RBBP8: variants seen among roughly 807,000 people sequenced by gnomAD.
The protein encoded by RBBP8 is DNA endonuclease RBBP8.
A neutral mutation model predicts 108.3 loss-of-function variants in RBBP8; 88 were observed. The observed-to-expected ratio is 0.81, with a 90% confidence interval of 0.68 to 0.97. The LOEUF (loss-of-function observed/expected upper bound fraction) is 0.97, where lower values mean the gene tolerates loss of function less well. RBBP8 is among the 50% of genes least tolerant of loss of function. RBBP8 has a pLI of 0.00. For synonymous variants in RBBP8, 332 were observed against 348.2 expected, an observed-to-expected ratio of 0.95 and a Z score of 0.52; for missense variants, 1,023 against 1,049.0, an observed-to-expected ratio of 0.98 and a Z score of 0.34.
chr18:23,010,393 GGA>G (rs2046135662), intron 16 of RBBP8, among the ~76,000 whole-genome samples: 1 of 152,154 alleles, frequency 6.6e-6, no homozygotes, highest in African/African-American at 2.4e-5. Context: ...CTTGAGCCCA[GGA>G]GTTTGAGACC....
Position 22,993,850 on chromosome 18 carries a change from G to A in RBBP8, c.1939+3G>A, listed in dbSNP as rs764002455. On this transcript the variant is annotated splice_donor_region_variant and intron_variant, in intron 12 of 18. Transcript: ENST00000327155. ...AAAGTCTCTACAAAACAACCAAGGT[G>A]TGTACACCATAAACAGGATCTCCAC... 1.2e-6 allele frequency: 2 copies of A among 1,612,092 alleles called. No individual in the cohort carries two copies. Among genetic ancestry groups the A allele is most frequent in the Non-Finnish European group, 1.7e-6 (2 of 1,178,324 alleles).
At chr18:22,954,447 C>T (rs1912332382) in intron 4 of RBBP8, among the ~76,000 whole-genome samples, 1 of 152,190 alleles carries the variant, frequency 6.6e-6, no homozygotes, top group African/African-American at 2.4e-5. Context: ...AAAATGATCC[C>T]CTTTGACTCC....
At chr18:22,929,890 T>G (rs1227306719), upstream of RBBP8, among the ~76,000 whole-genome samples, 1 of 152,082 alleles carries the variant, frequency 6.6e-6, no homozygotes, top group Non-Finnish European at 1.5e-5. Context: ...TAAAAAGAGC[T>G]GAACAAAGGC....
intron 1 of RBBP8, among the ~76,000 whole-genome samples, chr18:22,935,710 T>C (rs753317276): frequency 1.3e-5 from 2 of 152,208 alleles, no homozygotes; most frequent in Non-Finnish European, 2.9e-5. Flanking sequence ...ACTTTTTAAG[T>C]TGTAGCTAAT....
At chr18:22,951,181 G>T (rs1912001880) in intron 4 of RBBP8, among the ~76,000 whole-genome samples, 1 of 152,116 alleles carries the variant, frequency 6.6e-6, no homozygotes, top group South Asian at 2.1e-4. Context: ...AAATATTTGA[G>T]TCCTTGCTGT....
chr18:22,997,039 A>G (rs771538282), intron 13 of RBBP8, among the ~76,000 whole-genome samples: 8 of 152,190 alleles, frequency 5.3e-5, no homozygotes, highest in Non-Finnish European at 7.3e-5. Context: ...ATCTTATATA[A>G]TTTTATCATT....
intron 5 of RBBP8, among the ~76,000 whole-genome samples, chr18:22,971,424 G>T (rs1914071159): frequency 6.6e-6 from 1 of 152,044 alleles, no homozygotes. Context: ...TTAGAATACT[G>T]CCCAGAATAG....
chr18:22,933,927 C>G (rs1018076985), intron 1 of RBBP8: 3 of 152,426 alleles, frequency 2.0e-5, no homozygotes, highest in African/African-American at 4.8e-5. Flanking sequence ...GAGAAGGGAC[C>G]TGGCTGGAAA....
chr18:22,916,433 T>C (rs1463090049), intron 2 of RBBP8, among the ~76,000 whole-genome samples: 1 of 152,030 alleles, frequency 6.6e-6, no homozygotes, highest in African/African-American at 2.4e-5. Flanking sequence ...AATCTAAGGG[T>C]AGATCTGGGG....
intron 16 of RBBP8, among the ~76,000 whole-genome samples, chr18:23,007,151 G>C (rs931761669): frequency 6.6e-6 from 1 of 151,186 alleles, no homozygotes; most frequent in Non-Finnish European, 1.5e-5. Flanking sequence ...CTCCCGAGTA[G>C]CTGGGATTAC....
chr18:23,012,964 A>G (rs1208724377), intron 16 of RBBP8, among the ~76,000 whole-genome samples: 2 of 152,170 alleles, frequency 1.3e-5, no homozygotes, highest in African/African-American at 4.8e-5. Context: ...CTGAAGAATT[A>G]TGCTCAATCT....
At chr18:22,936,719 G>T (rs771928161) in intron 1 of RBBP8, 35 bp from the exon 2 acceptor site, 71 of 983,416 alleles carry the variant, frequency 7.2e-5, no homozygotes, top group Non-Finnish European at 1.1e-4. Flanking sequence ...AAAGATAAAT[G>T]CAAAGTTCAT....
In RBBP8 at chr18:22,993,242, C is replaced by T; in HGVS notation, c.1415C>T (p.Pro472Leu). Residue 472 changes from proline to leucine, a missense_variant, in exon 11 of 19, where the codon CCT (proline) becomes CTT (leucine). Pro to Leu is a moderately conservative substitution (Grantham distance 98). Transcript: ENST00000327155. ...QASFDKENAFPFPMDNQFSMN... is the reference protein window; with the variant it reads ...QASFDKENAFLFPMDNQFSMN... ...TCTTTTGATAAAGAAAATGCTTTCC[C>T]TTTTCCAATGGATAATCAGTTTTCC... 3 of 1,614,190 alleles carry T rather than the reference C, an allele frequency of 1.9e-6. No homozygotes were observed. Among genetic ancestry groups the T allele is most frequent in the Non-Finnish European group, 2.5e-6 (3 of 1,180,028 alleles).
At chr18:23,001,815 G>A in intron 15 of RBBP8, 86 bp downstream of exon 15, 1 of 1,493,412 alleles carries the variant, frequency 6.7e-7, no homozygotes. Flanking sequence ...AAGGCTTGAT[G>A]ACATATCAAC....
chr18:22,924,877 G>A (rs1208059261), intron 3 of RBBP8, among the ~76,000 whole-genome samples: 4 of 151,916 alleles, frequency 2.6e-5, no homozygotes, highest in African/African-American at 9.7e-5. Flanking sequence ...TACCATAACT[G>A]AGAAAAGGAA....
chr18:22,972,752 G>T (rs1914210118), intron 5 of RBBP8, among the ~76,000 whole-genome samples: 2 of 152,132 alleles, frequency 1.3e-5, no homozygotes, highest in African/African-American at 4.8e-5. Context: ...CTTACATTCT[G>T]CTCTTGCCCA....
chr18:23,021,113 C>T (rs1274403255), intron 17 of RBBP8, among the ~76,000 whole-genome samples: 2 of 152,108 alleles, frequency 1.3e-5, no homozygotes, highest in Non-Finnish European at 1.5e-5. Context: ...GTGAAGGAAT[C>T]GGCTGGATTA....
At position 22,967,443 on chromosome 18, in the gene RBBP8, G is replaced by GT. The variant is rs576072162; in HGVS notation, c.249-1362dup. 3.6e-3 allele frequency among the ~76,000 whole-genome samples: 536 copies of GT among 150,860 alleles called. 3 individuals are homozygous for GT. Among genetic ancestry groups the GT allele is most frequent in the African/African-American group, 0.013 (520 of 41,100 alleles). On this transcript the variant is annotated intron_variant, in intron 4 of 18. Coordinates refer to ENST00000327155, the MANE Select transcript of RBBP8 (RefSeq NM_002894.3). ...TGGGGTATGTGTCTCCTTTTTAACT[G>GT]TATTTTTTTCTGATTAGGTAAATAA...
At chr18:22,941,704 A>G (rs1170468484) in intron 2 of RBBP8, among the ~76,000 whole-genome samples, 2 of 152,068 alleles carry the variant, frequency 1.3e-5, no homozygotes, top group Non-Finnish European at 2.9e-5. Context: ...CCTCATGGTT[A>G]TGTTCTAATC....
Sources: gnomAD v4.1 joint callset for allele counts (sites outside exome capture counted in the v4.1 genomes callset) on GRCh38, gnomAD v4.1.1 for gene constraint, MANE v1.5 for transcripts, NCBI Gene and HGNC (gene_info 2026-07-23, HGNC 2026-07-21) for gene names.